Variants in CDH10 observed in about 807,000 individuals in gnomAD.
CDH10 encodes cadherin-10.
A neutral mutation model predicts 73.1 loss-of-function variants in CDH10; 30 were observed. The observed-to-expected ratio is 0.41, with a 90% CI of 0.31 to 0.56. The LOEUF (loss-of-function observed/expected upper bound fraction) is 0.56, where lower values mean the gene tolerates loss of function less well. CDH10 is among the 20% of genes least tolerant of loss of function. The pLI, the probability that CDH10 is intolerant of heterozygous loss-of-function variation, is 0.27. For missense variants in CDH10, 815 were observed against 973.7 expected (o/e 0.84, Z 2.17); for synonymous variants, 345 against 348.2 (o/e 0.99, Z 0.10).
At chr5:24,619,477 G>A (rs955855251) in intron 1 of CDH10, among the ~76,000 whole-genome samples, 20 of 152,148 alleles carry the variant, frequency 1.3e-4, no homozygotes, top group South Asian at 2.1e-4. Context: ...ACAGGCGTGA[G>A]CCACCGTGCC....
chr5:24,564,863 C>T (rs1745110330), intron 2 of CDH10, among the ~76,000 whole-genome samples: 3 of 152,118 alleles, frequency 2.0e-5, no homozygotes. Context: ...GGTTTTGAAA[C>T]CTCATGCTGG....
At chr5:24,538,398 G>A (rs914229549) in intron 2 of CDH10, among the ~76,000 whole-genome samples, 2 of 152,082 alleles carry the variant, frequency 1.3e-5, no homozygotes, top group Non-Finnish European at 2.9e-5. Context: ...GCAGGAACAA[G>A]GCAATACAAG....
chr5:24,535,504 T>A, intron 4 of CDH10, among the ~76,000 whole-genome samples, 199 bp downstream of exon 4: 1 of 152,130 alleles, frequency 6.6e-6, no homozygotes, highest in Admixed American at 6.6e-5. Flanking sequence ...CCTATGCTTA[T>A]ATGTTCAAAT....
chr5:24,622,598 T>A (rs976246822), intron 1 of CDH10, among the ~76,000 whole-genome samples: 3 of 152,150 alleles, frequency 2.0e-5, no homozygotes, highest in African/African-American at 7.2e-5. Flanking sequence ...ATGAGGCAGT[T>A]AAAATCTGCT....
In CDH10 at chr5:24,491,656, C is replaced by A. The variant is rs1433268057; in HGVS notation, c.1796G>T (p.Ser599Ile). 6.2e-6 allele frequency: 10 copies of A among 1,613,836 alleles called. No individual in the cohort carries two copies. In the Admixed American group the frequency reaches 1.3e-4, roughly 22 times the overall value. The part of the protein sequence containing the change: ...CDSQGNMQSC[S>I]AEALLLPAGL... ...GGCAGGGAGGAGCAGGGCTTCAGCA[C>A]TGCAGGATTGCATGTTGCCTTGGCT... The change falls in exon 11 of 12, where the codon AGT becomes ATT. Residue 599 changes from serine (S) to isoleucine (I), a missense_variant. This residue lies in a region of CDH10 where 241 missense variants were observed against 240.3 expected (regional missense o/e 1.00). Coordinates refer to ENST00000264463, the MANE Select transcript of CDH10 (RefSeq NM_006727.5).
intron 2 of CDH10, among the ~76,000 whole-genome samples, chr5:24,575,723 G>A (rs1438412960): frequency 6.6e-6 from 1 of 152,040 alleles, no homozygotes; most frequent in Non-Finnish European, 1.5e-5. Context: ...TGTTTCCAGT[G>A]ATGGAAATAT....
In CDH10 at chr5:24,588,013, T is replaced by C. The variant is rs373201158; in HGVS notation, c.231+5247A>G. Among the ~76,000 whole-genome samples the C allele has an allele frequency of 3.0e-4, 45 of 152,362 alleles. No individual in the cohort carries two copies. The East Asian group carries it at 5.8e-3, about 20-fold the overall frequency. On this transcript the variant is annotated intron_variant, in intron 2 of 11. Transcript: ENST00000264463. ...TTTCTGCAAGACATGCCTCTATAAATGCTTTTATTACTTCTTACTTGAAGT... is the reference window on the plus strand; with the variant it reads ...TTTCTGCAAGACATGCCTCTATAAACGCTTTTATTACTTCTTACTTGAAGT...
chr5:24,502,536 A>C (rs961440564), intron 8 of CDH10, among the ~76,000 whole-genome samples: 2 of 152,152 alleles, frequency 1.3e-5, no homozygotes, highest in Non-Finnish European at 2.9e-5. Flanking sequence ...CCAGAACAGA[A>C]TAATGGGATC....
chr5:24,504,215 C>G (rs10064015), intron 8 of CDH10, among the ~76,000 whole-genome samples: 61,948 of 151,802 alleles, frequency 0.41, 13,338 homozygotes, highest in East Asian at 0.58. Context: ...GAAAGCAGGA[C>G]ATAAAACCCC....
chr5:24,637,983 T>C (rs1401897831), intron 1 of CDH10, among the ~76,000 whole-genome samples: 1 of 151,868 alleles, frequency 6.6e-6, no homozygotes, highest in East Asian at 1.9e-4. Flanking sequence ...AAGTGATTAA[T>C]TTCATTGCTC....
chr5:24,594,161 G>A (rs1348883983), intron 1 of CDH10, among the ~76,000 whole-genome samples: 1 of 151,892 alleles, frequency 6.6e-6, no homozygotes, highest in Non-Finnish European at 1.5e-5. Flanking sequence ...CCTTTGAAGT[G>A]CTCTCCTCTC....
Position 24,491,684 on chromosome 5 carries a change from C to T in CDH10, c.1768G>A (p.Asp590Asn), listed in dbSNP as rs2111638704. Residue 590 changes from aspartate (D) to asparagine (N), a missense_variant, in exon 11 of 12, where the codon GAC becomes AAC. Physicochemically the swap from Asp to Asn is conservative, Grantham distance 23. This residue lies in a region of CDH10 where 516 missense variants were observed against 636.6 expected (regional missense o/e 0.81). Transcript: ENST00000264463. ...CAGGATTGCATGTTGCCTTGGCTGT[C>T]ACAAGCACACACTCGAATGGTCAGT... is the stretch of plus-strand genomic sequence containing the variant. ...GTLTIRVCACDSQGNMQSCSA... is the reference protein window; with the variant it reads ...GTLTIRVCACNSQGNMQSCSA... 1 of 1,614,034 alleles carries T rather than the reference C, an allele frequency of 6.2e-7. No individual in the cohort carries two copies. Among genetic ancestry groups the T allele is most frequent in the Non-Finnish European group, 8.5e-7 (1 of 1,179,956 alleles).
chr5:24,594,283 T>C (rs149147263), intron 1 of CDH10, among the ~76,000 whole-genome samples: 130 of 152,102 alleles, frequency 8.5e-4, no homozygotes, highest in African/African-American at 3.0e-3. Flanking sequence ...AATCTGCTTC[T>C]AACTACCTCT....
intron 2 of CDH10, among the ~76,000 whole-genome samples, 180 bp downstream of exon 2, chr5:24,593,080 C>T (rs1042328456): frequency 6.6e-6 from 1 of 151,784 alleles, no homozygotes; most frequent in Non-Finnish European, 1.5e-5. Context: ...ATGCATTTAT[C>T]ATTTTATATT....
chr5:24,554,455 T>C (rs986798387), intron 2 of CDH10, among the ~76,000 whole-genome samples: 1 of 150,072 alleles, frequency 6.7e-6, no homozygotes, highest in African/African-American at 2.5e-5. Context: ...ACTTTTCAAG[T>C]TGTTCTTTCT....
intron 1 of CDH10, chr5:24,612,334 T>C (rs1162854442): frequency 1.3e-5 from 2 of 152,300 alleles, no homozygotes; most frequent in East Asian, 1.9e-4. Flanking sequence ...CCATAATCAG[T>C]GTGGTTTCAA....
At chr5:24,631,747 CAA>C (rs1017276160) in intron 1 of CDH10, among the ~76,000 whole-genome samples, 1 of 151,714 alleles carries the variant, frequency 6.6e-6, no homozygotes, top group Non-Finnish European at 1.5e-5. Context: ...AGAAAGGGGA[CAA>C]AAAAATCTCA....
intron 1 of CDH10, among the ~76,000 whole-genome samples, chr5:24,629,803 C>T (rs1200630175): frequency 6.6e-6 from 1 of 152,126 alleles, no homozygotes; most frequent in African/African-American, 2.4e-5. Context: ...CCCAGCCATG[C>T]AGAACTATGA....
Position 24,630,557 on chromosome 5 carries a change from A to AG in CDH10, c.-124+14036_-124+14037insC, listed in dbSNP as rs1163465760. 1.8e-4 allele frequency among the ~76,000 whole-genome samples: 27 copies of AG among 151,816 alleles called. No individual in the cohort carries two copies. In the East Asian group the frequency reaches 5.1e-3, roughly 29 times the overall value. ...GACAAAAAGAGATCATCTTAAAAAA[A>AG]AAAAAAAAAGAATATCAAGAATATC... On this transcript the variant is annotated intron_variant, in intron 1 of 11. Transcript: ENST00000264463.
Sources: gnomAD v4.1 joint callset for allele counts (sites outside exome capture counted in the v4.1 genomes callset) on GRCh38, gnomAD v4.1.1 for gene constraint, gnomAD v4.1.1 regional missense constraint, MANE v1.5 for transcripts, NCBI Gene and HGNC (gene_info 2026-07-23, HGNC 2026-07-21) for gene names.